The following PCLO variants were observed in gnomAD, a reference collection of about 807,000 sequenced individuals.
PCLO encodes piccolo presynaptic cytomatrix protein, also known as protein piccolo.
In PCLO, 82 loss-of-function variants were observed where a neutral mutation model predicts 427.5. The ratio of observed to expected loss-of-function variants is 0.19; its 90% CI spans 0.16 to 0.23. The LOEUF is 0.23. PCLO is among the 10% of genes least tolerant of loss of function. PCLO has a pLI of 1.00. For synonymous variants in PCLO, 2,357 were observed against 2,155.4 expected, an observed-to-expected ratio of 1.09 and a Z score of -2.59; for missense variants, 6,239 against 6,115.9, an observed-to-expected ratio of 1.02 and a Z score of -0.67.
rs1791692029 is a variant in PCLO, at chr7:83,135,230, T to C, written c.2320A>G (p.Thr774Ala). Residue 774 changes from threonine (T) to alanine (A), a missense_variant, in exon 3 of 25, where the codon ACA (threonine) becomes GCA (alanine). By Grantham distance (58) the Thr-to-Ala change is moderately conservative (BLOSUM62 0). This residue lies in a region of PCLO where 4,677 missense variants were observed against 4,468.4 expected (regional missense o/e 1.05). Coordinates refer to ENST00000333891, the MANE Select transcript of PCLO (RefSeq NM_033026.6). ...TTGGAGCTTGGAATATCAGGTTTTG[T>C]TGTTGCTGATGATGAAGATACAAGG... ...TDLVSSSSAT[T>A]KPDIPSSKVQ... 6.2e-7 allele frequency: 1 copy of C among 1,613,982 alleles called. No homozygotes were observed. Among genetic ancestry groups the C allele is most frequent in the Non-Finnish European group, 8.5e-7 (1 of 1,179,884 alleles).
chr7:82,919,365 T>C (rs1248647767), intron 6 of PCLO, among the ~76,000 whole-genome samples: 1 of 151,916 alleles, frequency 6.6e-6, no homozygotes. Flanking sequence ...ATGGAGTGAA[T>C]GTGTTGACCT....
intron 21 of PCLO, among the ~76,000 whole-genome samples, chr7:82,804,719 T>C (rs1035833446): frequency 6.6e-6 from 1 of 152,190 alleles, no homozygotes; most frequent in Non-Finnish European, 1.5e-5. Context: ...TGTGTTCCAA[T>C]ACAACTTAGT....
intron 9 of PCLO, among the ~76,000 whole-genome samples, chr7:82,892,772 C>G (rs1191272131): frequency 2.0e-5 from 3 of 152,102 alleles, no homozygotes; most frequent in African/African-American, 7.2e-5. Context: ...AGGATATGAA[C>G]AGACACTTCT....
At chr7:82,825,487 A>G (rs1791912218) in intron 18 of PCLO, among the ~76,000 whole-genome samples, 1 of 151,946 alleles carries the variant, frequency 6.6e-6, no homozygotes, top group African/African-American at 2.4e-5. Flanking sequence ...GAACCAAACA[A>G]GTCCTCATTA....
At chr7:82,974,570 A>G (rs1795974221) in intron 3 of PCLO, among the ~76,000 whole-genome samples, 1 of 152,092 alleles carries the variant, frequency 6.6e-6, no homozygotes, top group Non-Finnish European at 1.5e-5. Flanking sequence ...AGGCTTATCT[A>G]TGGGTTCATA....
rs201516458 is a variant in PCLO, at chr7:82,915,672, T to C, written c.12314A>G (p.His4105Arg). 42 of 1,613,196 alleles carry C rather than the reference T, an allele frequency of 2.6e-5. No individual in the cohort carries two copies. The highest frequency in any genetic ancestry group is 3.3e-5 in the Non-Finnish European group (39 of 1,179,582). Residue 4105 changes from histidine (H) to arginine (R), a missense_variant, in exon 7 of 25, where the codon CAT becomes CGT. His to Arg is a conservative substitution (Grantham distance 29, BLOSUM62 0). This residue lies in a region of PCLO where 680 missense variants were observed against 677.3 expected (regional missense o/e 1.00). Transcript: ENST00000333891. ...GTCTTCCTCCGCCTTCACATAACTATGCAATCTAGAGGAAGACTGTAAAGG... is the reference window on the plus strand; with the variant it reads ...GTCTTCCTCCGCCTTCACATAACTACGCAATCTAGAGGAAGACTGTAAAGG... Reference protein sequence around the residue: ...LAPLQSSSRLHSYVKAEEDPM... With the variant: ...LAPLQSSSRLRSYVKAEEDPM...
intron 3 of PCLO, among the ~76,000 whole-genome samples, chr7:83,031,739 C>T (rs987280763): frequency 6.6e-6 from 1 of 150,464 alleles, no homozygotes; most frequent in African/African-American, 2.5e-5. Context: ...TCTCTCCCTC[C>T]CCCTCCCTCT....
intron 10 of PCLO, among the ~76,000 whole-genome samples, chr7:82,849,510 T>C (rs1792593199): frequency 6.6e-6 from 1 of 152,172 alleles, no homozygotes; most frequent in Admixed American, 6.6e-5. Flanking sequence ...CTGAACACAG[T>C]CATTTAATAA....
At chr7:83,050,297 A>G (rs1469929478) in intron 3 of PCLO, among the ~76,000 whole-genome samples, 1 of 147,602 alleles carries the variant, frequency 6.8e-6, no homozygotes, top group Non-Finnish European at 1.5e-5. Flanking sequence ...AAACAAAACC[A>G]AAAAAGCAAA....
At chr7:82,839,980 T>G (rs1792326649) in intron 14 of PCLO, among the ~76,000 whole-genome samples, 1 of 151,994 alleles carries the variant, frequency 6.6e-6, no homozygotes. Context: ...GTAGGGTAAA[T>G]TTCAACTACA....
At chr7:83,143,654 A>G (rs1414209036) in intron 2 of PCLO, among the ~76,000 whole-genome samples, 1 of 152,052 alleles carries the variant, frequency 6.6e-6, no homozygotes, top group African/African-American at 2.4e-5. Flanking sequence ...AAAAAAAAAA[A>G]AAAAAAACCT....
At chr7:83,022,584 A>G (rs1213577253) in intron 3 of PCLO, among the ~76,000 whole-genome samples, 1 of 152,224 alleles carries the variant, frequency 6.6e-6, no homozygotes, top group African/African-American at 2.4e-5. Context: ...TGAAAACAAT[A>G]TACACTAGCT....
chr7:82,953,870 A>T lies in PCLO; in HGVS notation c.7083T>A (p.Phe2361Leu). 1 of 1,613,828 alleles carries T rather than the reference A, an allele frequency of 6.2e-7. No individual in the cohort carries two copies. The highest frequency in any genetic ancestry group is 8.5e-7 in the Non-Finnish European group (1 of 1,179,794). The change falls in exon 5 of 25, where the codon TTT becomes TTA. Residue 2361 changes from phenylalanine to leucine, a missense_variant. Physicochemically the swap from Phe to Leu is conservative, Grantham distance 22. Coordinates refer to ENST00000333891, the MANE Select transcript of PCLO (RefSeq NM_033026.6). The part of the protein sequence containing the change: ...PMKEQLSTTY[F>L]TSGETFGQEK... ...CCTGACCAAAGGTCTCTCCAGATGT[A>T]AAGTATGTAGTTGAAAGCTGCTCTT...
At chr7:82,812,989 T>C (rs1791604318) in intron 20 of PCLO, among the ~76,000 whole-genome samples, 2 of 151,534 alleles carry the variant, frequency 1.3e-5, no homozygotes, top group South Asian at 2.1e-4. Flanking sequence ...ATTCTAAAAA[T>C]AGTCATTTTG....
Position 82,954,666 on chromosome 7 carries a change from A to T in PCLO, c.6287T>A (p.Met2096Lys), listed in dbSNP as rs772785568. 6.2e-7 allele frequency: 1 copy of T among 1,613,812 alleles called. No homozygotes were observed. Among genetic ancestry groups the T allele is most frequent in the Admixed American group, 1.7e-5 (1 of 59,996 alleles). ...GGCATCTGGCATTCTGTCAAAGTCC[A>T]TGGTGGACTCTGTCATATCCTCACC... ...PIGEDMTEST[M>K]DFDRMPDASL... Residue 2096 changes from methionine (M) to lysine (K), a missense_variant, in exon 5 of 25, where the codon ATG becomes AAG. Met to Lys is a moderately conservative substitution (Grantham distance 95). Around this residue, in one of 5 missense-constraint regions of PCLO, gnomAD observed 4,677 missense variants for 4,468.4 expected, o/e 1.05. Transcript: ENST00000333891.
chr7:83,049,645 C>T (rs1789185916), intron 3 of PCLO, among the ~76,000 whole-genome samples: 1 of 152,090 alleles, frequency 6.6e-6, no homozygotes, highest in South Asian at 2.1e-4. Flanking sequence ...TCCTACAAAT[C>T]TTTAACACAA....
chr7:82,998,611 A>G (rs1405530243), intron 3 of PCLO, among the ~76,000 whole-genome samples: 1 of 151,918 alleles, frequency 6.6e-6, no homozygotes, highest in African/African-American at 2.4e-5. Flanking sequence ...ACTGAGAAAC[A>G]TGAAATTTAC....
chr7:82,899,907 GA>G (rs1199578037), intron 9 of PCLO, among the ~76,000 whole-genome samples: 1 of 151,302 alleles, frequency 6.6e-6, no homozygotes, highest in Non-Finnish European at 1.5e-5. Flanking sequence ...GATGATTTAG[GA>G]AAAAAATGAT....
At position 82,763,393 on chromosome 7, in the gene PCLO, G is replaced by A. The variant is rs540809784; in HGVS notation, c.15008-1900C>T. Reference sequence around the variant, plus strand: ...GACTTTATGAACTTAAAAATCTCGCGGAACCACGGAGGTCTGTGAACCACA... The same window carrying A: ...GACTTTATGAACTTAAAAATCTCGCAGAACCACGGAGGTCTGTGAACCACA... On this transcript the variant is annotated intron_variant, in intron 22 of 24. Coordinates refer to ENST00000333891, the MANE Select transcript of PCLO (RefSeq NM_033026.6). 1.6e-4 allele frequency among the ~76,000 whole-genome samples: 25 copies of A among 152,064 alleles called. 1 individual carries two copies. In the South Asian group the frequency reaches 3.7e-3, roughly 23 times the overall value.
Sources: allele counts gnomAD v4.1 joint callset (sites outside exome capture counted in the v4.1 genomes callset), GRCh38; gene constraint gnomAD v4.1.1; regional missense constraint gnomAD v4.1.1; transcripts MANE v1.5; gene names NCBI Gene and HGNC (gene_info 2026-07-23, HGNC 2026-07-21).